Variants in NCAM1 observed in about 807,000 individuals in gnomAD.
The protein encoded by NCAM1 is antigen recognized by monoclonal antibody 5.1H11.
In NCAM1, 14 loss-of-function variants were observed where a neutral mutation model predicts 109.8. That is an observed-to-expected ratio of 0.13 (90% CI 0.08 to 0.20). NCAM1 has a LOEUF of 0.20. NCAM1 is among the 10% of genes least tolerant of loss of function. The pLI is 1.00. For missense variants in NCAM1, 774 were observed against 1,109.9 expected (o/e 0.70, Z 4.30); for synonymous variants, 418 against 442.9 (o/e 0.94, Z 0.70).
intron 1 of NCAM1, among the ~76,000 whole-genome samples, chr11:113,000,821 T>TAC (rs1951729416): frequency 7.2e-5 from 1 of 13,978 alleles, no homozygotes; most frequent in Non-Finnish European, 1.1e-4. Flanking sequence ...TATATACATA[T>TAC]ATATATATAT....
intron 1 of NCAM1, among the ~76,000 whole-genome samples, chr11:113,110,195 A>G (rs906441256): frequency 4.8e-5 from 7 of 147,306 alleles, no homozygotes; most frequent in Non-Finnish European, 7.5e-5. Flanking sequence ...AAGGATGAGG[A>G]TTAGATGTTC....
At chr11:113,005,192 T>C (rs75966264) in intron 1 of NCAM1, among the ~76,000 whole-genome samples, 165 of 152,294 alleles carry the variant, frequency 1.1e-3, no homozygotes, top group African/African-American at 3.5e-3. Flanking sequence ...AGAAAACTAC[T>C]GGTCAGTTAG....
intron 1 of NCAM1, among the ~76,000 whole-genome samples, chr11:113,105,061 A>G (rs1210230007): frequency 2.6e-5 from 4 of 152,242 alleles, no homozygotes; most frequent in Non-Finnish European, 4.4e-5. Flanking sequence ...TGTTGAGGTC[A>G]TTTGAGAAAC....
At chr11:113,012,867 C>G (rs1467780878) in intron 1 of NCAM1, among the ~76,000 whole-genome samples, 2 of 152,200 alleles carry the variant, frequency 1.3e-5, no homozygotes, top group African/African-American at 4.8e-5. Flanking sequence ...TTATTCAACC[C>G]CATCCAGATT....
chr11:113,192,135 T>C (rs1555109991), intron 1 of NCAM1, among the ~76,000 whole-genome samples: 6 of 152,350 alleles, frequency 3.9e-5, no homozygotes, highest in African/African-American at 1.4e-4. Context: ...TACCTTTTTA[T>C]AGCTGGAAGA....
intron 1 of NCAM1, among the ~76,000 whole-genome samples, chr11:113,005,824 C>A (rs971946008): frequency 5.3e-5 from 8 of 152,198 alleles, no homozygotes; most frequent in Admixed American, 4.6e-4. Context: ...GAATGTCTTT[C>A]AAGCACATTA....
At chr11:113,122,760 G>C (rs1941021076) in intron 1 of NCAM1, among the ~76,000 whole-genome samples, 1 of 152,060 alleles carries the variant, frequency 6.6e-6, no homozygotes, top group South Asian at 2.1e-4. Flanking sequence ...CTCCAGCCTG[G>C]GCAACAAGAG....
chr11:113,238,488 C>A (rs1263706644), intron 14 of NCAM1, among the ~76,000 whole-genome samples: 1 of 152,164 alleles, frequency 6.6e-6, no homozygotes, highest in East Asian at 1.9e-4. Context: ...CCTGCTGCCC[C>A]TAGACCCATC....
At chr11:113,201,628 G>A (rs139360526) in intron 1 of NCAM1, among the ~76,000 whole-genome samples, 5 of 152,294 alleles carry the variant, frequency 3.3e-5, no homozygotes, top group East Asian at 3.9e-4. Context: ...TTGTCTTATC[G>A]GTGCAGTGGA....
chr11:112,995,337 G>T (rs949505925), intron 1 of NCAM1, among the ~76,000 whole-genome samples: 2 of 152,128 alleles, frequency 1.3e-5, no homozygotes, highest in Non-Finnish European at 2.9e-5. Flanking sequence ...TGTCTGAGAA[G>T]TAGTTCTTCT....
chr11:112,971,467 G>A (rs1437759779), intron 1 of NCAM1, among the ~76,000 whole-genome samples: 2 of 152,084 alleles, frequency 1.3e-5, no homozygotes, highest in African/African-American at 2.4e-5. Context: ...AGAAATGACA[G>A]CAAAGTTACG....
At chr11:113,173,591 G>GAGATAT (rs1943055072) in intron 1 of NCAM1, among the ~76,000 whole-genome samples, 1 of 126,742 alleles carries the variant, frequency 7.9e-6, no homozygotes, top group Non-Finnish European at 1.7e-5. Context: ...CATGTTACCT[G>GAGATAT]ATATATATAT....
intron 9 of NCAM1, among the ~76,000 whole-genome samples, chr11:113,224,017 AC>A (rs1191304682): frequency 6.6e-6 from 1 of 152,182 alleles, no homozygotes; most frequent in East Asian, 1.9e-4. Context: ...GACGCAGAAG[AC>A]GGATGATTTC....
At chr11:112,971,132 G>A (rs1030902914) in intron 1 of NCAM1, among the ~76,000 whole-genome samples, 42 of 151,918 alleles carry the variant, frequency 2.8e-4, no homozygotes, top group African/African-American at 1.0e-3. Flanking sequence ...AGAGAGGAAG[G>A]AAAAAGGGGA....
intron 1 of NCAM1, among the ~76,000 whole-genome samples, chr11:113,002,282 C>T (rs782177964): frequency 9.2e-5 from 14 of 152,130 alleles, no homozygotes; most frequent in African/African-American, 1.2e-4. Flanking sequence ...AAGGAAGCAA[C>T]GAATTTCTGC....
intron 1 of NCAM1, among the ~76,000 whole-genome samples, chr11:113,029,753 T>G (rs1308451602): frequency 6.6e-6 from 1 of 152,208 alleles, no homozygotes; most frequent in Non-Finnish European, 1.5e-5. Context: ...TTTAACCACA[T>G]TACATGTATT....
chr11:113,085,473 C>T (rs1939037533), intron 1 of NCAM1, among the ~76,000 whole-genome samples: 1 of 152,188 alleles, frequency 6.6e-6, no homozygotes, highest in South Asian at 2.1e-4. Flanking sequence ...ATATAGACAA[C>T]ATGATTGTTC....
At chr11:113,202,055 T>C (rs550536672) in intron 1 of NCAM1, among the ~76,000 whole-genome samples, 1 of 152,296 alleles carries the variant, frequency 6.6e-6, no homozygotes, top group South Asian at 2.1e-4. Context: ...ATAAGTCTTC[T>C]CAAGGGGTTG....
intron 1 of NCAM1, among the ~76,000 whole-genome samples, chr11:112,972,665 A>G (rs1252640636): frequency 6.6e-6 from 1 of 152,166 alleles, no homozygotes; most frequent in African/African-American, 2.4e-5. Flanking sequence ...TAGTGCAGTA[A>G]AAACAAGGGC....
Sources: allele counts gnomAD v4.1 joint callset (sites outside exome capture counted in the v4.1 genomes callset), GRCh38; gene constraint gnomAD v4.1.1; transcripts MANE v1.5; gene names NCBI Gene and HGNC (gene_info 2026-07-23, HGNC 2026-07-21).